The following GNB1L variants were observed in gnomAD, a reference collection of about 807,000 sequenced individuals.
GNB1L encodes G protein subunit beta 1 like, also known as guanine nucleotide-binding protein subunit beta-like protein 1.
In GNB1L, 20 loss-of-function variants were observed where a neutral mutation model predicts 29.1. The observed-to-expected ratio is 0.69, with a 90% CI of 0.48 to 1.00. GNB1L has a LOEUF of 1.00. Ranked by LOEUF, GNB1L falls within the 50% of genes least tolerant of loss-of-function variation. The pLI, the probability that GNB1L is intolerant of heterozygous loss-of-function variation, is 0.00. For synonymous variants in GNB1L, 193 were observed against 206.5 expected (o/e 0.93, Z 0.56); for missense variants, 421 against 464.9 (o/e 0.91, Z 0.87).
chr22:19,783,525 G>A lies in GNB1L; in HGVS notation c.*5184C>T, dbSNP rs1275071773. On this transcript the variant is annotated 3_prime_UTR_variant, in exon 8 of 8. Coordinates refer to ENST00000329517, the MANE Select transcript of GNB1L (RefSeq NM_053004.3). The stretch of plus-strand genomic sequence containing the variant: ...TGATCATGCCACTGCACTCCAGCCT[G>A]GGTGACAGAGTGAGACCCCCACTGT... 5.2e-6 allele frequency: 1 copy of A among 192,830 alleles called. No homozygotes were observed. The highest frequency in any genetic ancestry group is 1.4e-4 in the East Asian group (1 of 7,172). 11.9% of individuals were successfully genotyped at this position (192,830 alleles called of 1,614,324 possible). A position where few individuals can be genotyped will look rare whatever the true frequency, so the allele number is the denominator to read the frequency against.
Position 19,788,613 on chromosome 22 carries a change from G to T in GNB1L, c.*96C>A. On this transcript the variant is annotated 3_prime_UTR_variant, in exon 8 of 8. Transcript: ENST00000329517. The stretch of plus-strand genomic sequence containing the variant: ...CATGGTCCTTGGGCCATGACTTGCT[G>T]GTCCTCAGAGGCCCTTGAGGTTTCA... 1 of 1,452,840 alleles carries T rather than the reference G, an allele frequency of 6.9e-7. No homozygotes were observed. Among genetic ancestry groups the T allele is most frequent in the Non-Finnish European group, 9.7e-7 (1 of 1,034,394 alleles). The allele number at this position is 1,452,840 out of a possible 1,614,324, so 90.0% of individuals were successfully genotyped here.
intron 2 of GNB1L, chr22:19,847,941 C>G: frequency 1.0e-6 from 1 of 985,094 alleles, no homozygotes; most frequent in Non-Finnish European, 1.2e-6. Context: ...TTCCAGAGGG[C>G]CAACTGCTTT....
chr22:19,833,960 G>GA (rs1343621610), intron 2 of GNB1L, among the ~76,000 whole-genome samples: 1 of 151,272 alleles, frequency 6.6e-6, no homozygotes, highest in African/African-American at 2.4e-5. Flanking sequence ...AGATCAGAAA[G>GA]AAAAAAGATT....
At chr22:19,847,867 T>C (rs1938002990) in intron 2 of GNB1L, 1 of 963,874 alleles carries the variant, frequency 1.0e-6, no homozygotes, top group Admixed American at 6.3e-5. Context: ...ATTGTAACAT[T>C]GAAATCTTTA....
intron 4 of GNB1L, among the ~76,000 whole-genome samples, chr22:19,817,633 C>T (rs770824137): frequency 6.6e-6 from 1 of 152,192 alleles, no homozygotes; most frequent in Non-Finnish European, 1.5e-5. Context: ...AAAAAGCAGA[C>T]AAAATAGTCT....
At chr22:19,812,930 G>C (rs188737240) in intron 4 of GNB1L, among the ~76,000 whole-genome samples, 90 of 152,332 alleles carry the variant, frequency 5.9e-4, no homozygotes, top group South Asian at 1.5e-3. Flanking sequence ...AACTGTTCCA[G>C]TGGGTGAATT....
At chr22:19,832,273 C>T (rs1366603120) in intron 2 of GNB1L, among the ~76,000 whole-genome samples, 2 of 152,172 alleles carry the variant, frequency 1.3e-5, no homozygotes, top group African/African-American at 4.8e-5. Flanking sequence ...AAGGCTGCAG[C>T]GAGCTGTGAT....
intron 7 of GNB1L, among the ~76,000 whole-genome samples, chr22:19,795,425 C>T (rs993426415): frequency 3.3e-5 from 5 of 152,144 alleles, no homozygotes; most frequent in Non-Finnish European, 7.4e-5. Context: ...GTCAGGCTGA[C>T]GGAAGGCTCC....
chr22:19,806,821 G>GT, intron 5 of GNB1L, 64 bp from the exon 6 acceptor site: 7 of 1,159,848 alleles, frequency 6.0e-6, no homozygotes, highest in Non-Finnish European at 9.0e-6. Context: ...ATACAAACAA[G>GT]AGACTCTTAA....
rs965376459 is a variant in GNB1L, at chr22:19,847,378, GC to G, written c.-21+7064del. On this transcript the variant is annotated intron_variant, in intron 2 of 7. Coordinates refer to ENST00000329517, the MANE Select transcript of GNB1L (RefSeq NM_053004.3). ...TGCTCCTTTATTGCTGGATCTTTGG[GC>G]TTTTCCAGTTCTGCTGTTCAAAAAA... 61 of 985,402 alleles carry G rather than the reference GC, an allele frequency of 6.2e-5. No homozygotes were observed. The Admixed American group carries it at 1.3e-3, about 21-fold the overall frequency. The allele number at this position is 985,402 out of a possible 1,614,324, so 61.0% of individuals were successfully genotyped here.
chr22:19,813,772 A>G (rs1312214850), intron 4 of GNB1L, among the ~76,000 whole-genome samples: 1 of 152,164 alleles, frequency 6.6e-6, no homozygotes, highest in Non-Finnish European at 1.5e-5. Flanking sequence ...AGGCAGGAGG[A>G]TTGCTTGAGC....
At chr22:19,810,539 G>A (rs1441470250) in intron 5 of GNB1L, among the ~76,000 whole-genome samples, 6 of 152,280 alleles carry the variant, frequency 3.9e-5, no homozygotes, top group East Asian at 1.9e-4. Flanking sequence ...TACACACCAC[G>A]TCTACCTGGG....
intron 2 of GNB1L, among the ~76,000 whole-genome samples, chr22:19,834,292 T>A (rs1937728186): frequency 6.6e-6 from 1 of 152,182 alleles, no homozygotes; most frequent in Non-Finnish European, 1.5e-5. Context: ...AACAACTCTA[T>A]ATCTAGCAAA....
chr22:19,842,754 G>A (rs1468298827), intron 2 of GNB1L, among the ~76,000 whole-genome samples: 3 of 152,236 alleles, frequency 2.0e-5, no homozygotes, highest in Non-Finnish European at 4.4e-5. Flanking sequence ...GCACCTCCCT[G>A]TTTGGACCCA....
At position 19,821,335 on chromosome 22, in the gene GNB1L, C is replaced by T. The variant is rs369925785; in HGVS notation, c.21G>A (p.Pro7=). The part of the protein sequence containing the change: MTAPCP[P]PPPDPQFVLR... ...GGACAAACTGGGGGTCTGGAGGTGG[C>T]GGCGGGCAGGGGGCCGTCATGCTGG... Residue 7 remains proline (P), a synonymous_variant, in exon 3 of 8, where the codon CCG becomes CCA. Coordinates refer to ENST00000329517, the MANE Select transcript of GNB1L (RefSeq NM_053004.3). The T allele has an allele frequency of 1.0e-4, 166 of 1,612,592 alleles. No individual in the cohort carries two copies. The highest frequency in any genetic ancestry group is 1.2e-4 in the Non-Finnish European group (140 of 1,179,656).
Position 19,788,620 on chromosome 22 carries a change from A to G in GNB1L, c.*89T>C. 6.6e-7 allele frequency: 1 copy of G among 1,513,326 alleles called. No homozygotes were observed. Among genetic ancestry groups the G allele is most frequent in the Non-Finnish European group, 9.2e-7 (1 of 1,090,560 alleles). The allele number at this position is 1,513,326 out of a possible 1,614,324, so 93.7% of individuals were successfully genotyped here. On this transcript the variant is annotated 3_prime_UTR_variant, in exon 8 of 8. Coordinates refer to ENST00000329517, the MANE Select transcript of GNB1L (RefSeq NM_053004.3). The stretch of plus-strand genomic sequence containing the variant: ...CTTGGGCCATGACTTGCTGGTCCTC[A>G]GAGGCCCTTGAGGTTTCAGGCCAAG...
intron 7 of GNB1L, among the ~76,000 whole-genome samples, chr22:19,793,904 G>C (rs1344901705): frequency 6.6e-6 from 1 of 152,112 alleles, no homozygotes; most frequent in East Asian, 1.9e-4. Flanking sequence ...AGGATACTTG[G>C]GTCTATAGGA....
chr22:19,829,828 T>C (rs1937655017), intron 2 of GNB1L, among the ~76,000 whole-genome samples: 1 of 152,102 alleles, frequency 6.6e-6, no homozygotes, highest in African/African-American at 2.4e-5. Context: ...CAGACATTGA[T>C]GCATTTCTTA....
chr22:19,851,462 G>A (rs1322669589), intron 2 of GNB1L: 1 of 1,614,084 alleles, frequency 6.2e-7, no homozygotes, highest in Non-Finnish European at 8.5e-7. Context: ...GGGCTCCTTG[G>A]GCCCAGGGGT....
Sources: allele counts gnomAD v4.1 joint callset (sites outside exome capture counted in the v4.1 genomes callset), GRCh38; gene constraint gnomAD v4.1.1; transcripts MANE v1.5; gene names NCBI Gene and HGNC (gene_info 2026-07-23, HGNC 2026-07-21).